ATP7B: variants seen among roughly 807,000 people sequenced by gnomAD.
The protein encoded by ATP7B is ATPase copper transporting beta.
In ATP7B, 113 loss-of-function variants were observed where a neutral mutation model predicts 118.9. That is an observed-to-expected ratio of 0.95 (90% CI 0.82 to 1.11). The LOEUF (loss-of-function observed/expected upper bound fraction) is 1.11, where lower values mean the gene tolerates loss of function less well. ATP7B is among the 50% of genes most tolerant of loss of function. The probability of loss-of-function intolerance (pLI) is 0.00; values close to 1 mark genes in which losing one functional copy is unlikely to be tolerated. For synonymous variants in ATP7B, 777 were observed against 727.4 expected (o/e 1.07, Z -1.10); for missense variants, 1,867 against 1,871.4 (o/e 1.00, Z 0.04).
chr13:51,964,912 G>T lies in ATP7B; in HGVS notation c.1829C>A (p.Pro610Gln). 8 of 1,613,846 alleles carry T rather than the reference G, an allele frequency of 5.0e-6. No homozygotes were observed. The highest frequency in any genetic ancestry group is 6.8e-6 in the Non-Finnish European group (8 of 1,179,986). The stretch of plus-strand genomic sequence containing the variant: ...AATATCCCGTGGACCGATAATTTCC[G>T]GGTCAAACTTAACAAGGGCTTTGCT... ...ATSKALVKFD[P>Q]EIIGPRDIIK... Residue 610 changes from proline to glutamine, a missense_variant, in exon 5 of 21, where the codon CCG (proline) becomes CAG (glutamine). Physicochemically the swap from Pro to Gln is moderately conservative, Grantham distance 76. Transcript: ENST00000242839.
At position 51,975,474 on chromosome 13, in the gene ATP7B, G is replaced by A. The variant is rs17479855; in HGVS notation, c.52-306C>T. ...CACGACACAGCTTTACATATGGAATGCAGCACGGCTGGCCTGCAGCAGAGG... is the reference window on the plus strand; with the variant it reads ...CACGACACAGCTTTACATATGGAATACAGCACGGCTGGCCTGCAGCAGAGG... On this transcript the variant is annotated intron_variant, in intron 1 of 20. Coordinates refer to ENST00000242839, the MANE Select transcript of ATP7B (RefSeq NM_000053.4). 12,472 of 554,010 alleles carry A rather than the reference G, an allele frequency of 0.023. 236 individuals carry two copies. The highest frequency in any genetic ancestry group is 0.03 in the Non-Finnish European group (8,592 of 283,534). 34.3% of individuals were successfully genotyped at this position (554,010 alleles called of 1,614,324 possible).
At chr13:51,959,884 G>T (rs574014264) in intron 7 of ATP7B, 2 of 508,984 alleles carry the variant, frequency 3.9e-6, no homozygotes, top group East Asian at 3.6e-5. Flanking sequence ...TGCTATTCCA[G>T]GGCCAGTTCT....
intron 14 of ATP7B, among the ~76,000 whole-genome samples, chr13:51,943,365 A>G (rs1351300176): frequency 6.6e-6 from 1 of 152,194 alleles, no homozygotes; most frequent in East Asian, 1.9e-4. Context: ...GTGAGGTGAG[A>G]AAGAGTGGGC....
At chr13:51,963,757 A>C (rs924028307) in intron 5 of ATP7B, among the ~76,000 whole-genome samples, 1 of 149,328 alleles carries the variant, frequency 6.7e-6, no homozygotes, top group Non-Finnish European at 1.5e-5. Context: ...AAAAAAAAAA[A>C]AACTCTCCAA....
chr13:51,976,294 T>A, intron 1 of ATP7B, among the ~76,000 whole-genome samples: 1 of 152,226 alleles, frequency 6.6e-6, no homozygotes, highest in South Asian at 2.1e-4. Context: ...TCCTTTTTCC[T>A]GTGCATAAAA....
rs572347875 is a variant in ATP7B, at chr13:52,007,626, G to A, written c.51+3661C>T. Among the ~76,000 whole-genome samples, 12 of 152,114 alleles carry A rather than the reference G, an allele frequency of 7.9e-5. No individual in the cohort carries two copies. The South Asian group carries it at 1.0e-3, about 13-fold the overall frequency. ...GTGCCCTACAATTCAATTCAATTCC[G>A]ACACCAACCATCTGGAGTTAGCACG... On this transcript the variant is annotated intron_variant, in intron 1 of 20. Transcript: ENST00000242839.
rs747891232 is a variant in ATP7B at position 52,003,604 on chromosome 13, G to A, written c.51+7683C>T. ...CGTCAGTAGACTTGCTCAGTGCAGG[G>A]TTGCCACAAACCTTCAACTGGTAAA... On this transcript the variant is annotated intron_variant, in intron 1 of 20. Transcript: ENST00000242839. Among the ~76,000 whole-genome samples the A allele has an allele frequency of 1.9e-4, 28 of 150,894 alleles. No homozygotes were observed. The Middle Eastern group carries it at 0.01, about 55-fold the overall frequency.
In ATP7B at chr13:51,935,016, C is replaced by T. The variant is rs768984875; in HGVS notation, c.4138G>A (p.Asp1380Asn). ...SLQLKCYKKP[D>N]LERYEAQAHG... ...GCCTGTGCCTCATACCTCTCCAGGT[C>T]AGGCTTCTTATAGCTGGAAAGCAGG... Residue 1380 changes from aspartate to asparagine, a missense_variant, in exon 21 of 21, where the codon GAC (aspartate) becomes AAC (asparagine). Coordinates refer to ENST00000242839, the MANE Select transcript of ATP7B (RefSeq NM_000053.4). The T allele has an allele frequency of 3.7e-6, 6 of 1,613,848 alleles. No homozygotes were observed.
rs764287867 is a variant in ATP7B, at chr13:51,933,537, C to G, written c.*1219G>C. The G allele has an allele frequency of 6.6e-6, 1 of 152,248 alleles. No individual in the cohort carries two copies. Among genetic ancestry groups the G allele is most frequent in the African/African-American group, 2.4e-5 (1 of 41,470 alleles). The allele number at this position is 152,248 out of a possible 1,614,324, so 9.4% of individuals were successfully genotyped here. A position where few individuals can be genotyped will look rare whatever the true frequency, so the allele number is the denominator to read the frequency against. ...TGTCAATCACAACCAACTTCAGAGTCTAAAACTGAACCCGTTCTGCTGCTC... is the reference window on the plus strand; with the variant it reads ...TGTCAATCACAACCAACTTCAGAGTGTAAAACTGAACCCGTTCTGCTGCTC... On this transcript the variant is annotated 3_prime_UTR_variant, in exon 21 of 21. Coordinates refer to ENST00000242839, the MANE Select transcript of ATP7B (RefSeq NM_000053.4).
intron 1 of ATP7B, among the ~76,000 whole-genome samples, chr13:51,977,277 T>C (rs1952169481): frequency 6.6e-6 from 1 of 152,142 alleles, no homozygotes; most frequent in African/African-American, 2.4e-5. Flanking sequence ...ACACTTAGCT[T>C]AAAGCACAAA....
At chr13:52,011,788 G>T (rs998902130), upstream of ATP7B, among the ~76,000 whole-genome samples, 6 of 152,276 alleles carry the variant, frequency 3.9e-5, no homozygotes, top group Admixed American at 2.6e-4. Context: ...GCGCTGGTGC[G>T]CTCCGACACT....
Position 51,975,376 on chromosome 13 carries a change from ACTGT to A in ATP7B, c.52-212_52-209del, listed in dbSNP as rs1566606972. The A allele has an allele frequency of 4.0e-6, 3 of 758,784 alleles. No homozygotes were observed. The African/African-American group carries it at 5.4e-5, about 14-fold the overall frequency. 47.0% of individuals were successfully genotyped at this position (758,784 alleles called of 1,614,324 possible). A position where few individuals can be genotyped will look rare whatever the true frequency, so the allele number is the denominator to read the frequency against. ...TGACATTCTTCTCTGACAGAAGCTA[ACTGT>A]CTGTCCTCCTTAGTGAAATGTCGTT... On this transcript the variant is annotated intron_variant, in intron 1 of 20. Transcript: ENST00000242839.
At chr13:51,945,474 C>T (rs538252345) in intron 13 of ATP7B, among the ~76,000 whole-genome samples, 9 of 152,300 alleles carry the variant, frequency 5.9e-5, no homozygotes, top group Admixed American at 3.3e-4. Context: ...TCCCCAGCTC[C>T]GTTGTCCAGC....
intron 9 of ATP7B, among the ~76,000 whole-genome samples, chr13:51,956,388 GACAAGGGCAC>G (rs1245879117): frequency 6.6e-6 from 1 of 152,236 alleles, no homozygotes; most frequent in Non-Finnish European, 1.5e-5. Flanking sequence ...GTGATACATG[GACAAGGGCAC>G]ACAAGGGAGG....
At chr13:51,995,610 T>C (rs896002201) in intron 1 of ATP7B, among the ~76,000 whole-genome samples, 2 of 152,172 alleles carry the variant, frequency 1.3e-5, no homozygotes, top group African/African-American at 4.8e-5. Context: ...CAGCAGACTA[T>C]TTGGTTGTGT....
At chr13:51,972,946 C>T (rs1365971939) in intron 2 of ATP7B, among the ~76,000 whole-genome samples, 1 of 152,198 alleles carries the variant, frequency 6.6e-6, no homozygotes, top group Non-Finnish European at 1.5e-5. Context: ...TTCAAGGATG[C>T]AGTGACCTAT....
intron 1 of ATP7B, among the ~76,000 whole-genome samples, chr13:51,991,419 G>C (rs557731622): frequency 3.1e-4 from 47 of 152,106 alleles, no homozygotes; most frequent in African/African-American, 9.2e-4. Context: ...CCTTGAGCTC[G>C]GGAGGTGGAG....
Position 51,970,748 on chromosome 13 carries a change from T to A in ATP7B, c.1287A>T (p.Glu429Asp). 6.2e-7 allele frequency: 1 copy of A among 1,613,634 alleles called. No homozygotes were observed. Among genetic ancestry groups the A allele is most frequent in the Non-Finnish European group, 8.5e-7 (1 of 1,179,588 alleles). ...DMGFEASVVSESCSTNPLGNH... is the reference protein window; with the variant it reads ...DMGFEASVVSDSCSTNPLGNH... The stretch of plus-strand genomic sequence containing the variant: ...TTCCAAGAGGGTTAGTAGAACAGCT[T>A]TCTAGGATAAAATGTCAGAAAATAT... The change falls in exon 3 of 21, where the codon GAA becomes GAT. Residue 429 changes from glutamate (E) to aspartate (D), a missense_variant and splice_region_variant. Transcript: ENST00000242839.
At chr13:51,976,427 T>C (rs138688964) in intron 1 of ATP7B, among the ~76,000 whole-genome samples, 18 of 152,350 alleles carry the variant, frequency 1.2e-4, no homozygotes, top group African/African-American at 3.8e-4. Flanking sequence ...AATAATTACA[T>C]AGAATTTTAA....
Sources: gnomAD v4.1 joint callset for allele counts (sites outside exome capture counted in the v4.1 genomes callset) on GRCh38, gnomAD v4.1.1 for gene constraint, MANE v1.5 for transcripts, NCBI Gene and HGNC (gene_info 2026-07-23, HGNC 2026-07-21) for gene names.